VPS35L: variants seen among roughly 807,000 people sequenced by gnomAD.
The protein encoded by VPS35L is VPS35 endosomal protein sorting factor like, also known as VPS35 endosomal protein-sorting factor-like.
VPS35L carries 83 observed loss-of-function variants against 133.0 expected under a neutral mutation model. The observed-to-expected ratio is 0.62, with a 90% CI of 0.52 to 0.75. The LOEUF (loss-of-function observed/expected upper bound fraction) is 0.75, where lower values mean the gene tolerates loss of function less well. Among genes scored for constraint, VPS35L ranks in the 30% least tolerant of loss-of-function variants. The pLI is 0.00. For missense variants in VPS35L, 1,083 were observed against 1,206.8 expected (o/e 0.90, Z 1.52); for synonymous variants, 423 against 449.9 (o/e 0.94, Z 0.76).
At chr16:19,582,541 G>A (rs534253688) in intron 7 of VPS35L, among the ~76,000 whole-genome samples, 5 of 152,240 alleles carry the variant, frequency 3.3e-5, no homozygotes, top group South Asian at 2.1e-4. Flanking sequence ...ACCCACGCCC[G>A]TTTCTCTTCA....
At chr16:19,609,132 T>C (rs988501322) in intron 11 of VPS35L, 111 bp downstream of exon 11, 1 of 889,362 alleles carries the variant, frequency 1.1e-6, no homozygotes, top group Non-Finnish European at 1.8e-6. Flanking sequence ...GTACTTAATG[T>C]GTGTTAAGCA....
intron 30 of VPS35L, among the ~76,000 whole-genome samples, chr16:19,700,151 CA>C (rs911383572): frequency 5.6e-4 from 85 of 152,286 alleles, no homozygotes; most frequent in African/African-American, 1.9e-3. Context: ...GAATAGGAAC[CA>C]TACATACAAA....
At chr16:19,560,847 C>T (rs1259258742) in intron 1 of VPS35L, among the ~76,000 whole-genome samples, 1 of 150,688 alleles carries the variant, frequency 6.6e-6, no homozygotes, top group Non-Finnish European at 1.5e-5. Context: ...ATGTTTTAAA[C>T]TCCATCTTGA....
At chr16:19,623,766 TTTATTA>T (rs199933640) in intron 14 of VPS35L, among the ~76,000 whole-genome samples, 8,314 of 126,706 alleles carry the variant, frequency 0.066, 317 homozygotes, top group South Asian at 0.12. Context: ...TACTTATTTA[TTTATTA>T]TTATTATTAT....
chr16:19,648,874 CAAAAAAA>C (rs552677405), intron 24 of VPS35L, among the ~76,000 whole-genome samples: 13 of 91,858 alleles, frequency 1.4e-4, no homozygotes, highest in Non-Finnish European at 2.6e-4. Context: ...GACTCCATCT[CAAAAAAA>C]AAAAAAAAAA....
At chr16:19,684,826 G>A (rs780005490) in intron 28 of VPS35L, among the ~76,000 whole-genome samples, 3 of 152,154 alleles carry the variant, frequency 2.0e-5, no homozygotes, top group Non-Finnish European at 4.4e-5. Flanking sequence ...GGGGGCAGAC[G>A]CAGGCGGATC....
rs372006739 is a variant in VPS35L at position 19,609,022 on chromosome 16, G to T, written c.929+1G>T. The T allele has an allele frequency of 6.2e-7, 1 of 1,613,062 alleles. No homozygotes were observed. Among genetic ancestry groups the T allele is most frequent in the African/African-American group, 1.3e-5 (1 of 75,018 alleles). ...AATGTAACAAATTCCTCTCCAAAACGTAAGGCTCTTCGGTAAAATCTAGAA... is the reference window on the plus strand; with the variant it reads ...AATGTAACAAATTCCTCTCCAAAACTTAAGGCTCTTCGGTAAAATCTAGAA... On this transcript the variant is annotated splice_donor_variant, in intron 11 of 30. Coordinates refer to ENST00000417362, the MANE Select transcript of VPS35L (RefSeq NM_020314.7). LOFTEE classifies it high-confidence loss of function.
chr16:19,666,965 TTCC>T (rs1283976467), intron 26 of VPS35L, among the ~76,000 whole-genome samples: 3 of 110,642 alleles, frequency 2.7e-5, no homozygotes, highest in African/African-American at 1.1e-4. Context: ...TCTTCCTTTC[TTCC>T]TTTCTTCCTT....
chr16:19,696,031 C>T (rs928453641), intron 29 of VPS35L, among the ~76,000 whole-genome samples: 41 of 151,972 alleles, frequency 2.7e-4, no homozygotes, highest in African/African-American at 9.4e-4. Context: ...GGACTACAGG[C>T]GCGTGCCACC....
At chr16:19,697,148 G>A (rs1217522309) in intron 29 of VPS35L, among the ~76,000 whole-genome samples, 1 of 152,234 alleles carries the variant, frequency 6.6e-6, no homozygotes, top group Admixed American at 6.5e-5. Context: ...GTAGCCCGCG[G>A]GCCTGGGCGC....
intron 8 of VPS35L, among the ~76,000 whole-genome samples, chr16:19,598,472 A>C (rs1356922491): frequency 6.6e-6 from 1 of 152,202 alleles, no homozygotes; most frequent in East Asian, 1.9e-4. Flanking sequence ...CTAATTTTGT[A>C]GTTAAAAGAT....
rs561958551 is a variant in VPS35L at position 19,649,853 on chromosome 16, A to T, written c.2029-529A>T. Among the ~76,000 whole-genome samples the T allele has an allele frequency of 3.3e-5, 5 of 152,362 alleles. No individual in the cohort carries two copies. In the South Asian group the frequency reaches 1.0e-3, roughly 32 times the overall value. On this transcript the variant is annotated intron_variant, in intron 24 of 30. Transcript: ENST00000417362. Reference sequence around the variant, plus strand: ...CTATCTGGAAATCAGGGGAGGTAATAGTATCCACCCTGGGATTATGAAGCT... The same window carrying T: ...CTATCTGGAAATCAGGGGAGGTAATTGTATCCACCCTGGGATTATGAAGCT...
At chr16:19,678,544 C>CTCGG (rs1218789794) in intron 27 of VPS35L, among the ~76,000 whole-genome samples, 1 of 151,006 alleles carries the variant, frequency 6.6e-6, no homozygotes, top group African/African-American at 2.4e-5. Flanking sequence ...GTGGCACGAT[C>CTCGG]TCGGCTCACT....
At chr16:19,608,939 T>C (rs761016938) in intron 10 of VPS35L, 35 bp from the exon 11 acceptor site, 7 of 1,603,266 alleles carry the variant, frequency 4.4e-6, no homozygotes, top group Non-Finnish European at 6.0e-6. Context: ...GTAGACCTTC[T>C]GGAAAACATC....
chr16:19,662,880 T>G (rs911295860), intron 26 of VPS35L, among the ~76,000 whole-genome samples: 1 of 152,010 alleles, frequency 6.6e-6, no homozygotes, highest in Non-Finnish European at 1.5e-5. Flanking sequence ...TCCCAGCTAC[T>G]TGAGAGGGTG....
intron 12 of VPS35L, among the ~76,000 whole-genome samples, chr16:19,613,054 A>G (rs1192534183): frequency 6.6e-6 from 1 of 152,200 alleles, no homozygotes; most frequent in Non-Finnish European, 1.5e-5. Flanking sequence ...TAATCCCAGC[A>G]TTTTGGGAGG....
intron 15 of VPS35L, among the ~76,000 whole-genome samples, chr16:19,627,249 C>A (rs1257151823): frequency 6.6e-6 from 1 of 151,560 alleles, no homozygotes; most frequent in African/African-American, 2.4e-5. Flanking sequence ...TGACACTACT[C>A]CAGCCTGGGC....
rs113425100 is a variant in VPS35L at position 19,605,675 on chromosome 16, C to T, written c.785-2503C>T. Among the ~76,000 whole-genome samples, 131 of 152,358 alleles carry T rather than the reference C, an allele frequency of 8.6e-4. 1 individual carries two copies. The highest frequency in any genetic ancestry group is 3.0e-3 in the African/African-American group (126 of 41,588). ...CCCTTTCGTAGTTCAGGGCTCAGCT[C>T]AAATGCTGCCTCTGTGGGAGCCTTC... is the stretch of plus-strand genomic sequence containing the variant. On this transcript the variant is annotated intron_variant, in intron 9 of 30. Coordinates refer to ENST00000417362, the MANE Select transcript of VPS35L (RefSeq NM_020314.7).
chr16:19,644,638 T>G (rs1258208394), intron 22 of VPS35L, among the ~76,000 whole-genome samples: 2 of 152,234 alleles, frequency 1.3e-5, no homozygotes, highest in African/African-American at 2.4e-5. Flanking sequence ...AGTTACCTTT[T>G]CTTTTCTTGT....
Sources: gnomAD v4.1 joint callset for allele counts (sites outside exome capture counted in the v4.1 genomes callset) on GRCh38, gnomAD v4.1.1 for gene constraint, MANE v1.5 for transcripts, NCBI Gene and HGNC (gene_info 2026-07-23, HGNC 2026-07-21) for gene names.